Variants in FKBP5 observed in about 807,000 individuals in gnomAD.
The protein encoded by FKBP5 is FKBP prolyl isomerase 5, also known as peptidyl-prolyl cis-trans isomerase FKBP5.
A neutral mutation model predicts 50.5 loss-of-function variants in FKBP5; 23 were observed. The observed-to-expected ratio is 0.46, with a 90% confidence interval of 0.33 to 0.65. The LOEUF (loss-of-function observed/expected upper bound fraction) is 0.65, where lower values mean the gene tolerates loss of function less well. FKBP5 is among the 30% of genes least tolerant of loss of function. The probability of loss-of-function intolerance (pLI) is 0.02; values close to 1 mark genes in which losing one functional copy is unlikely to be tolerated. For missense variants in FKBP5, 411 were observed against 553.1 expected, an observed-to-expected ratio of 0.74 and a Z score of 2.58; for synonymous variants, 176 against 190.6, an observed-to-expected ratio of 0.92 and a Z score of 0.63.
intron 8 of FKBP5, chr6:35,585,649 T>C: frequency 1.1e-6 from 1 of 933,476 alleles, no homozygotes; most frequent in African/African-American, 1.8e-5. Context: ...AATAACATAT[T>C]TATATATTTA....
intron 1 of FKBP5, among the ~76,000 whole-genome samples, chr6:35,663,921 T>A (rs1197012531): frequency 6.6e-6 from 1 of 152,218 alleles, no homozygotes; most frequent in African/African-American, 2.4e-5. Context: ...ACATTGAGAT[T>A]GTTACTACTG....
intron 5 of FKBP5, among the ~76,000 whole-genome samples, chr6:35,604,934 G>A (rs1763262464): frequency 6.6e-6 from 1 of 151,884 alleles, no homozygotes; most frequent in Non-Finnish European, 1.5e-5. Context: ...ACAGGCGCCC[G>A]CCACCATGCC....
chr6:35,584,299 C>T, intron 8 of FKBP5: 1 of 985,442 alleles, frequency 1.0e-6, no homozygotes, highest in Non-Finnish European at 1.2e-6. Flanking sequence ...CAAAATCATT[C>T]CCACTTAAAA....
At chr6:35,617,263 T>TA (rs796915272) in intron 5 of FKBP5, among the ~76,000 whole-genome samples, 104 of 152,328 alleles carry the variant, frequency 6.8e-4, no homozygotes, top group African/African-American at 2.2e-3. Flanking sequence ...GAAAATAGTA[T>TA]ATACTTTAAA....
At chr6:35,609,280 G>A (rs917691842) in intron 5 of FKBP5, among the ~76,000 whole-genome samples, 1 of 152,002 alleles carries the variant, frequency 6.6e-6, no homozygotes, top group African/African-American at 2.4e-5. Context: ...AAGAATATGA[G>A]TCTGCAAATT....
chr6:35,706,712 C>T (rs1331835873), intron 2 of FKBP5, among the ~76,000 whole-genome samples: 4 of 152,264 alleles, frequency 2.6e-5, no homozygotes, highest in Non-Finnish European at 5.9e-5. Context: ...ATTCCACTTC[C>T]AGGAATTCAT....
chr6:35,621,773 G>A (rs773253578), intron 3 of FKBP5, among the ~76,000 whole-genome samples: 173 of 152,210 alleles, frequency 1.1e-3, no homozygotes, highest in African/African-American at 4.0e-3. Context: ...CTTGAGCTTA[G>A]GAGTTTGAGA....
At chr6:35,580,946 T>C (rs908054326) in intron 8 of FKBP5, 6 of 985,268 alleles carry the variant, frequency 6.1e-6, no homozygotes, top group Non-Finnish European at 7.2e-6. Context: ...AAATATTACA[T>C]TCTGGCAAGT....
intron 9 of FKBP5, among the ~76,000 whole-genome samples, 189 bp downstream of exon 9, chr6:35,579,847 C>T (rs1762365598): frequency 6.6e-6 from 1 of 152,110 alleles, no homozygotes; most frequent in Non-Finnish European, 1.5e-5. Context: ...TCATAAAAGT[C>T]TGACTGTAAT....
At chr6:35,576,897 T>G in intron 10 of FKBP5, 97 bp downstream of exon 10, 2 of 1,452,696 alleles carry the variant, frequency 1.4e-6, no homozygotes, top group Non-Finnish European at 1.9e-6. Flanking sequence ...TCCCTGCTCT[T>G]GAGCCTCTTG....
intron 3 of FKBP5, among the ~76,000 whole-genome samples, chr6:35,620,736 C>T (rs765966230): frequency 6.6e-6 from 1 of 152,080 alleles, no homozygotes; most frequent in Non-Finnish European, 1.5e-5. Context: ...GCCTGGGTGA[C>T]AGAGTGAGAC....
At chr6:35,715,025 A>G (rs1173060625) in intron 2 of FKBP5, among the ~76,000 whole-genome samples, 2 of 151,902 alleles carry the variant, frequency 1.3e-5, no homozygotes, top group Non-Finnish European at 2.9e-5. Flanking sequence ...CTCCTGCTTT[A>G]GCCTCCCAAG....
intron 2 of FKBP5, among the ~76,000 whole-genome samples, chr6:35,720,059 C>T (rs1766584001): frequency 6.6e-6 from 1 of 151,778 alleles, no homozygotes; most frequent in African/African-American, 2.4e-5. Context: ...CAGTTGGGGG[C>T]TAGGGCGGGG....
rs773277854 is a variant in FKBP5, at chr6:35,642,626, A to G, written c.105+94T>C. ...TGTTTGGCACTTAGTAACCATCAATAAACATTATCCACCCCAGCCCCCCTC... is the reference window on the plus strand; with the variant it reads ...TGTTTGGCACTTAGTAACCATCAATGAACATTATCCACCCCAGCCCCCCTC... On this transcript the variant is annotated intron_variant, in intron 2 of 10. Transcript: ENST00000357266. 43 of 903,240 alleles carry G rather than the reference A, an allele frequency of 4.8e-5. 1 individual carries two copies. The highest frequency in any genetic ancestry group is 6.5e-5 in the Non-Finnish European group (38 of 583,286). 56.0% of individuals were successfully genotyped at this position (903,240 alleles called of 1,614,324 possible). A position where few individuals can be genotyped will look rare whatever the true frequency, so the allele number is the denominator to read the frequency against.
intron 3 of FKBP5, among the ~76,000 whole-genome samples, chr6:35,633,722 T>C (rs2150985047): frequency 6.6e-6 from 1 of 152,214 alleles, no homozygotes; most frequent in Non-Finnish European, 1.5e-5. Context: ...CTCTTTGTGT[T>C]GGTATTAGTC....
chr6:35,709,069 T>C (rs1766369957), intron 2 of FKBP5, among the ~76,000 whole-genome samples: 1 of 152,228 alleles, frequency 6.6e-6, no homozygotes, highest in Admixed American at 6.5e-5. Flanking sequence ...GATAAAGACA[T>C]ACCTGAGACT....
chr6:35,576,001 G>T, intron 10 of FKBP5, 59 bp from the exon 11 acceptor site: 2 of 1,198,978 alleles, frequency 1.7e-6, no homozygotes, highest in Non-Finnish European at 1.2e-6. Context: ...ATAATTCCTG[G>T]CTCCTCCAGA....
chr6:35,650,560 G>A (rs1202949884), intron 1 of FKBP5, among the ~76,000 whole-genome samples: 1 of 151,928 alleles, frequency 6.6e-6, no homozygotes, highest in African/African-American at 2.4e-5. Flanking sequence ...TGCAATCTCC[G>A]CCTCCTAGGT....
intron 1 of FKBP5, among the ~76,000 whole-genome samples, chr6:35,723,212 G>A (rs1331964130): frequency 6.6e-6 from 1 of 151,948 alleles, no homozygotes; most frequent in Non-Finnish European, 1.5e-5. Flanking sequence ...CAGCCTGGGC[G>A]ACAGAGCGAG....
Sources: gnomAD v4.1 joint callset for allele counts (sites outside exome capture counted in the v4.1 genomes callset) on GRCh38, gnomAD v4.1.1 for gene constraint, MANE v1.5 for transcripts, NCBI Gene and HGNC (gene_info 2026-07-23, HGNC 2026-07-21) for gene names.